NOL10: variants seen among roughly 807,000 people sequenced by gnomAD.
NOL10 encodes H_NH0074G24.1.
NOL10 carries 58 observed loss-of-function variants against 103.5 expected under a neutral mutation model. The observed-to-expected ratio is 0.56, with a 90% CI of 0.45 to 0.70. The LOEUF is 0.70. Ranked by LOEUF, NOL10 falls within the 30% of genes least tolerant of loss-of-function variation. The pLI, the probability that NOL10 is intolerant of heterozygous loss-of-function variation, is 0.00. For synonymous variants in NOL10, 287 were observed against 282.5 expected (o/e 1.02, Z -0.16); for missense variants, 763 against 807.3 (o/e 0.95, Z 0.67).
intron 4 of NOL10, among the ~76,000 whole-genome samples, chr2:10,674,111 G>A (rs1320074040): frequency 6.6e-6 from 1 of 151,756 alleles, no homozygotes; most frequent in East Asian, 1.9e-4. Context: ...CCAGCTATTT[G>A]GGAGGCGGAG....
At chr2:10,647,906 C>G (rs917329841) in intron 12 of NOL10, among the ~76,000 whole-genome samples, 2 of 152,210 alleles carry the variant, frequency 1.3e-5, no homozygotes, top group African/African-American at 4.8e-5. Context: ...TGAATTGGAT[C>G]TTTCTTGAGC....
At chr2:10,599,697 G>A (rs748432477) in intron 17 of NOL10, among the ~76,000 whole-genome samples, 30 of 152,152 alleles carry the variant, frequency 2.0e-4, no homozygotes, top group Non-Finnish European at 4.1e-4. Context: ...CGAGGATGAG[G>A]GGATGCAGGG....
chr2:10,595,584 TTTTG>T lies in NOL10; in HGVS notation c.1422+5265_1422+5268del, dbSNP rs1558277469. On this transcript the variant is annotated intron_variant, in intron 17 of 20. Transcript: ENST00000381685. The stretch of plus-strand genomic sequence containing the variant: ...AAATGATGGGATTACAGAAATGTTT[TTTTG>T]TTTTGTTTTGTTTTTGTTTGTTTGT... Among the ~76,000 whole-genome samples the T allele has an allele frequency of 2.0e-3, 163 of 80,236 alleles. 6 individuals are homozygous for T. Among genetic ancestry groups the T allele is most frequent in the African/African-American group, 1.4e-3 (33 of 24,188 alleles). The allele number at this position is 80,236 out of a possible 152,430, so 52.6% of individuals were successfully genotyped here. A position where few individuals can be genotyped will look rare whatever the true frequency, so the allele number is the denominator to read the frequency against.
intron 13 of NOL10, among the ~76,000 whole-genome samples, chr2:10,641,280 C>T (rs554257824): frequency 1.6e-3 from 240 of 151,478 alleles, no homozygotes; most frequent in African/African-American, 5.6e-3. Flanking sequence ...GAGGTGGAGG[C>T]TGCAGTGAGC....
intron 13 of NOL10, among the ~76,000 whole-genome samples, chr2:10,642,739 G>A (rs561982130): frequency 6.6e-6 from 1 of 152,116 alleles, no homozygotes; most frequent in South Asian, 2.1e-4. Flanking sequence ...CCCAGTCGAC[G>A]CAGCTATCCT....
At chr2:10,586,745 G>A (rs549524828) in intron 19 of NOL10, among the ~76,000 whole-genome samples, 13 of 151,906 alleles carry the variant, frequency 8.6e-5, no homozygotes, top group East Asian at 1.9e-4. Flanking sequence ...CCTACCTAAT[G>A]AATAAATATA....
At chr2:10,635,294 T>G (rs1391773613) in intron 13 of NOL10, among the ~76,000 whole-genome samples, 7 of 152,238 alleles carry the variant, frequency 4.6e-5, no homozygotes, top group Non-Finnish European at 7.3e-5. Flanking sequence ...GCATTTCAGA[T>G]TTTTGGATTA....
At position 10,668,587 on chromosome 2, in the gene NOL10, G is replaced by C. The variant is rs923558675; in HGVS notation, c.530+71C>G. The C allele has an allele frequency of 6.8e-6, 5 of 739,794 alleles. No homozygotes were observed. The East Asian group carries it at 1.2e-4, about 17-fold the overall frequency. 45.8% of individuals were successfully genotyped at this position (739,794 alleles called of 1,614,324 possible). ...TTAATTGCAATAGTTTATGTTACTT[G>C]TTAACAAACTGAGCATCTGGCTCCA... is the stretch of plus-strand genomic sequence containing the variant. On this transcript the variant is annotated intron_variant, in intron 7 of 20. Transcript: ENST00000381685.
intron 1 of NOL10, among the ~76,000 whole-genome samples, chr2:10,689,002 T>C (rs1049251124): frequency 6.6e-6 from 1 of 152,230 alleles, no homozygotes; most frequent in African/African-American, 2.4e-5. Flanking sequence ...GGTGACATAT[T>C]TGAAAACCAC....
At chr2:10,605,428 A>G (rs1676200437) in intron 14 of NOL10, among the ~76,000 whole-genome samples, 1 of 152,236 alleles carries the variant, frequency 6.6e-6, no homozygotes, top group Admixed American at 6.5e-5. Context: ...GGTTTTATAT[A>G]TTATGGGGAA....
rs375273125 is a variant in NOL10, at chr2:10,587,256, T to C, written c.1844+1787A>G. 6.6e-3 allele frequency among the ~76,000 whole-genome samples: 233 copies of C among 35,468 alleles called. 54 individuals carry two copies. The highest frequency in any genetic ancestry group is 0.022 in the East Asian group (28 of 1,272). The allele number at this position is 35,468 out of a possible 152,430, so 23.3% of individuals were successfully genotyped here. ...ATATATATACATACATATATATATA[T>C]ACACATATATATATATATATTTTTT... On this transcript the variant is annotated intron_variant, in intron 19 of 20. Coordinates refer to ENST00000381685, the MANE Select transcript of NOL10 (RefSeq NM_024894.4).
At chr2:10,684,250 T>A (rs1681989303) in intron 2 of NOL10, among the ~76,000 whole-genome samples, 1 of 143,710 alleles carries the variant, frequency 7.0e-6, no homozygotes, top group South Asian at 2.2e-4. Context: ...CACTCCAGCC[T>A]GGGCAATAAG....
intron 7 of NOL10, among the ~76,000 whole-genome samples, chr2:10,668,277 A>G (rs547450106): frequency 6.6e-6 from 1 of 152,320 alleles, no homozygotes; most frequent in Admixed American, 6.5e-5. Context: ...AACCTTTAAA[A>G]ACCTTAAATG....
chr2:10,572,251 T>C (rs995947852), intron 20 of NOL10, 61 bp from the exon 21 acceptor site: 2 of 1,574,326 alleles, frequency 1.3e-6, no homozygotes, highest in African/African-American at 1.4e-5. Flanking sequence ...TCTTTTCTGG[T>C]AACCGTCAGG....
At chr2:10,582,721 C>T (rs1674826863) in intron 19 of NOL10, among the ~76,000 whole-genome samples, 1 of 152,160 alleles carries the variant, frequency 6.6e-6, no homozygotes, top group South Asian at 2.1e-4. Flanking sequence ...GGTACTCGGG[C>T]CCACTGCCAC....
Position 10,685,012 on chromosome 2 carries a change from T to G in NOL10, c.67-400A>C, listed in dbSNP as rs73169919. Among the ~76,000 whole-genome samples the G allele has an allele frequency of 3.3e-3, 502 of 152,262 alleles. 5 individuals carry two copies. Among genetic ancestry groups the G allele is most frequent in the African/African-American group, 0.011 (456 of 41,550 alleles). On this transcript the variant is annotated intron_variant, in intron 1 of 20. Coordinates refer to ENST00000381685, the MANE Select transcript of NOL10 (RefSeq NM_024894.4). ...ACCAGGCCCGGCCAGATAAGAAATTTTTTGAACTACAATCTTTTACATAGA... is the reference window on the plus strand; with the variant it reads ...ACCAGGCCCGGCCAGATAAGAAATTGTTTGAACTACAATCTTTTACATAGA...
At chr2:10,601,040 T>C (rs1675947863) in intron 16 of NOL10, 98 bp from the exon 17 acceptor site, 2 of 685,268 alleles carry the variant, frequency 2.9e-6, no homozygotes, top group Non-Finnish European at 4.8e-6. Flanking sequence ...TATAATTTCA[T>C]AAATAGGAGA....
chr2:10,611,010 T>C (rs1676536114), intron 13 of NOL10, among the ~76,000 whole-genome samples: 2 of 152,214 alleles, frequency 1.3e-5, no homozygotes, highest in South Asian at 4.1e-4. Context: ...GACAGGTTCT[T>C]GCTGTGTTGC....
chr2:10,644,477 G>A (rs1363241117), intron 12 of NOL10, 105 bp from the exon 13 acceptor site: 12 of 708,948 alleles, frequency 1.7e-5, no homozygotes, highest in Non-Finnish European at 2.7e-5. Context: ...GTTAGTCAGT[G>A]AACCAAAGTA....
Sources: gnomAD v4.1 joint callset for allele counts (sites outside exome capture counted in the v4.1 genomes callset) on GRCh38, gnomAD v4.1.1 for gene constraint, MANE v1.5 for transcripts, NCBI Gene and HGNC (gene_info 2026-07-23, HGNC 2026-07-21) for gene names.